Variants in KAZN observed in about 807,000 individuals in gnomAD.
The protein encoded by KAZN is kazrin.
Under a neutral mutation model 87.4 loss-of-function variants are expected in KAZN, and 40 were observed. That is an observed-to-expected ratio of 0.46 (90% CI 0.36 to 0.60). The LOEUF (loss-of-function observed/expected upper bound fraction) is 0.60, where lower values mean the gene tolerates loss of function less well. Among genes scored for constraint, KAZN ranks in the 20% least tolerant of loss-of-function variants. The pLI, the probability that KAZN is intolerant of heterozygous loss-of-function variation, is 0.00. For missense variants in KAZN, 898 were observed against 1,073.9 expected (o/e 0.84, Z 2.29); for synonymous variants, 466 against 458.3 (o/e 1.02, Z -0.22).
chr1:13,911,929 G>T (rs1035477263), intron 1 of KAZN, among the ~76,000 whole-genome samples: 1 of 152,114 alleles, frequency 6.6e-6, no homozygotes, highest in African/African-American at 2.4e-5. Flanking sequence ...TTTGCATTCT[G>T]GCTGTGCTTG....
intron 2 of KAZN, among the ~76,000 whole-genome samples, chr1:14,556,113 C>CT (rs542038883): frequency 0.38 from 53,346 of 140,022 alleles, 10,675 homozygotes; most frequent in African/African-American, 0.53. Flanking sequence ...GTTCTTTTTA[C>CT]TTTTTTTTTT....
chr1:14,422,142 C>T (rs950774504), intron 2 of KAZN, among the ~76,000 whole-genome samples: 6 of 152,118 alleles, frequency 3.9e-5, no homozygotes, highest in Non-Finnish European at 7.4e-5. Context: ...ATAGGCAAAT[C>T]GCTATTTTAC....
At chr1:14,707,568 C>T (rs865951130) in intron 1 of KAZN, among the ~76,000 whole-genome samples, 1 of 152,162 alleles carries the variant, frequency 6.6e-6, no homozygotes, top group Non-Finnish European at 1.5e-5. Flanking sequence ...CATTTCCCAA[C>T]GTACTCTCCA....
At chr1:15,011,825 C>T (rs898240400) in intron 2 of KAZN, among the ~76,000 whole-genome samples, 1 of 152,082 alleles carries the variant, frequency 6.6e-6, no homozygotes, top group African/African-American at 2.4e-5. Context: ...GGGTTGGGGG[C>T]GGGGCACCAC....
chr1:13,980,967 G>A (rs1445866176), intron 1 of KAZN, among the ~76,000 whole-genome samples: 4 of 151,326 alleles, frequency 2.6e-5, no homozygotes, highest in African/African-American at 7.3e-5. Flanking sequence ...TAGAACGAGT[G>A]TTCCAGAACC....
intron 1 of KAZN, among the ~76,000 whole-genome samples, chr1:14,943,003 GTGT>G (rs1489514456): frequency 1.6e-5 from 2 of 122,036 alleles, no homozygotes; most frequent in African/African-American, 3.8e-5. Context: ...GTGTGTGTGT[GTGT>G]GGTGTGTGTG....
chr1:14,605,553 A>C (rs1677294146), intron 1 of KAZN, among the ~76,000 whole-genome samples: 1 of 152,246 alleles, frequency 6.6e-6, no homozygotes, highest in African/African-American at 2.4e-5. Flanking sequence ...ATAATTAAGT[A>C]GAGAAATCAA....
At chr1:14,713,078 C>G (rs1642573573) in intron 1 of KAZN, among the ~76,000 whole-genome samples, 1 of 152,184 alleles carries the variant, frequency 6.6e-6, no homozygotes, top group South Asian at 2.1e-4. Flanking sequence ...CCACTCTAAT[C>G]TGGACTGAGC....
chr1:14,216,798 G>A (rs1646965755), intron 2 of KAZN, among the ~76,000 whole-genome samples: 1 of 152,142 alleles, frequency 6.6e-6, no homozygotes, highest in Admixed American at 6.5e-5. Flanking sequence ...CAGCTACTCA[G>A]GAGGCTGAGG....
chr1:13,901,726 T>C (rs1639257554), intron 1 of KAZN, among the ~76,000 whole-genome samples: 3 of 152,348 alleles, frequency 2.0e-5, no homozygotes, highest in Middle Eastern at 3.4e-3. Context: ...CTCTTAACCT[T>C]TTGCTCTTGT....
At chr1:14,885,326 GA>G (rs1653913389) in intron 1 of KAZN, among the ~76,000 whole-genome samples, 1 of 151,858 alleles carries the variant, frequency 6.6e-6, no homozygotes, top group Non-Finnish European at 1.5e-5. Flanking sequence ...TCTGCCTGCT[GA>G]ACATTGCAGC....
chr1:14,739,092 T>C (rs1481152492), intron 1 of KAZN, among the ~76,000 whole-genome samples: 9 of 152,080 alleles, frequency 5.9e-5, no homozygotes, highest in Admixed American at 5.9e-4. Flanking sequence ...GGTAGGGGGA[T>C]CACTTGAGCC....
At chr1:14,391,174 G>A (rs894966401) in intron 2 of KAZN, among the ~76,000 whole-genome samples, 1 of 152,166 alleles carries the variant, frequency 6.6e-6, no homozygotes, top group African/African-American at 2.4e-5. Context: ...CTCCAGGGGA[G>A]CCTGAAGTGG....
intron 2 of KAZN, among the ~76,000 whole-genome samples, chr1:14,512,012 G>A (rs1045993051): frequency 3.3e-5 from 5 of 152,134 alleles, no homozygotes; most frequent in African/African-American, 9.7e-5. Context: ...AGGTCAGGAT[G>A]GAATTCTTCT....
intron 1 of KAZN, among the ~76,000 whole-genome samples, chr1:14,071,559 A>G (rs1570668052): frequency 6.6e-6 from 1 of 150,962 alleles, no homozygotes; most frequent in African/African-American, 2.5e-5. Context: ...CTGCTTCTGC[A>G]TGGAACTCAG....
intron 2 of KAZN, among the ~76,000 whole-genome samples, chr1:14,512,934 C>T (rs747384692): frequency 1.1e-3 from 174 of 152,178 alleles, no homozygotes; most frequent in Non-Finnish European, 2.2e-3. Flanking sequence ...CTCTCTTTCT[C>T]GGGTCTGAAA....
chr1:15,055,712 G>A (rs1444054562), intron 4 of KAZN, among the ~76,000 whole-genome samples: 1 of 152,210 alleles, frequency 6.6e-6, no homozygotes, highest in Non-Finnish European at 1.5e-5. Flanking sequence ...GGGAGACCAA[G>A]AGGGACCATG....
At chr1:13,978,464 C>A (rs1638484577) in intron 1 of KAZN, among the ~76,000 whole-genome samples, 2 of 147,540 alleles carry the variant, frequency 1.4e-5, no homozygotes, top group African/African-American at 2.5e-5. Context: ...ATTAAAAAAG[C>A]AGAATATATA....
intron 1 of KAZN, among the ~76,000 whole-genome samples, chr1:14,951,941 G>T (rs1389812906): frequency 6.6e-6 from 1 of 152,208 alleles, no homozygotes; most frequent in South Asian, 2.1e-4. Context: ...CCTAGGTGCT[G>T]CTGGACCAGT....
Sources: gnomAD v4.1 joint callset for allele counts (sites outside exome capture counted in the v4.1 genomes callset) on GRCh38, gnomAD v4.1.1 for gene constraint, MANE v1.5 for transcripts, NCBI Gene and HGNC (gene_info 2026-07-23, HGNC 2026-07-21) for gene names.